Variants in FEM1A observed in about 807,000 individuals in gnomAD.
FEM1A encodes the protein fem-1 homolog A, also known as protein fem-1 homolog A.
FEM1A carries 1 observed loss-of-function variant against 0.7 expected under a neutral mutation model. That is an observed-to-expected ratio of 1.35 (90% CI 0.48 to 6.40). The LOEUF (loss-of-function observed/expected upper bound fraction) is 6.40. FEM1A is among the 30% of genes most tolerant of loss of function. The probability of loss-of-function intolerance (pLI) is 0.14; values close to 1 mark genes in which losing one functional copy is unlikely to be tolerated. For missense variants in FEM1A, 721 were observed against 918.7 expected (o/e 0.78, Z 2.78); for synonymous variants, 391 against 420.6 (o/e 0.93, Z 0.86).
rs2093560701 is a variant in FEM1A, at chr19:4,796,036, A to G, written c.*2172A>G. The G allele has an allele frequency of 6.6e-6, 1 of 152,088 alleles. No individual in the cohort carries two copies. The highest frequency in any genetic ancestry group is 1.5e-5 in the Non-Finnish European group (1 of 68,022). 9.4% of individuals were successfully genotyped at this position (152,088 alleles called of 1,614,324 possible). A position where few individuals can be genotyped will look rare whatever the true frequency, so the allele number is the denominator to read the frequency against. On this transcript the variant is annotated 3_prime_UTR_variant, in exon 1 of 1. Coordinates refer to ENST00000269856, the MANE Select transcript of FEM1A (RefSeq NM_018708.3). The stretch of plus-strand genomic sequence containing the variant: ...GGGGCTTTGTGTAAAATTTCATTTG[A>G]AAAACAGTATGTTGCTCTTTGAAAA...
chr19:4,792,031 C>G lies in FEM1A; in HGVS notation c.177C>G (p.Tyr59Ter). ...ACGGCCACCTGGACGTGGTGGAGTACCTGGTGGACCGGTGCGGCGCGAGCG... is the reference window on the plus strand; with the variant it reads ...ACGGCCACCTGGACGTGGTGGAGTAGCTGGTGGACCGGTGCGGCGCGAGCG... Reference protein sequence around the residue: ...ARYGHLDVVEYLVDRCGASVE... With the variant: ...ARYGHLDVVE The change falls in exon 1 of 1, where the codon TAC becomes TAG. Residue 59 changes from tyrosine to a stop codon, truncating the protein, a stop_gained. Transcript: ENST00000269856. LOFTEE classifies it low-confidence loss of function (END_TRUNC). The surrounding 1 kb of genome is among the most constrained non-coding windows in gnomAD (Gnocchi z 6.7). 1 of 1,539,570 alleles carries G rather than the reference C, an allele frequency of 6.5e-7. No homozygotes were observed. Among genetic ancestry groups the G allele is most frequent in the Non-Finnish European group, 8.7e-7 (1 of 1,151,292 alleles).
Position 4,793,643 on chromosome 19 carries a change from A to G in FEM1A, c.1789A>G (p.Met597Val). ...IAAQNNCPAI[M>V]NALIEAGAHM... ...AGCCCAGAACAACTGCCCGGCCATC[A>G]TGAATGCCCTGATCGAAGCAGGGGC... The change falls in exon 1 of 1, where the codon ATG (methionine) becomes GTG (valine). Residue 597 changes from methionine (M) to valine (V), a missense_variant. By Grantham distance (21) the Met-to-Val change is conservative. Coordinates refer to ENST00000269856, the MANE Select transcript of FEM1A (RefSeq NM_018708.3). The surrounding 1 kb of genome is among the most constrained non-coding windows in gnomAD (Gnocchi z 5.1). The G allele has an allele frequency of 6.2e-7, 1 of 1,612,978 alleles. No homozygotes were observed. Among genetic ancestry groups the G allele is most frequent in the South Asian group, 1.1e-5 (1 of 91,030 alleles).
In FEM1A at chr19:4,797,158, C is replaced by CTTTTT. The variant is rs3034413; in HGVS notation, c.*3315_*3319dup. The CTTTTT allele has an allele frequency of 1.5e-4, 11 of 73,354 alleles. No homozygotes were observed. Among genetic ancestry groups the CTTTTT allele is most frequent in the African/African-American group, 1.7e-4 (3 of 17,760 alleles). 4.5% of individuals were successfully genotyped at this position (73,354 alleles called of 1,614,324 possible). A position where few individuals can be genotyped will look rare whatever the true frequency, so the allele number is the denominator to read the frequency against. On this transcript the variant is annotated 3_prime_UTR_variant, in exon 1 of 1. Coordinates refer to ENST00000269856, the MANE Select transcript of FEM1A (RefSeq NM_018708.3). ...ACGGCCCTCTTAAGATGAAGGTCAT[C>CTTTTT]TTTTTTTTTTTTTTTTTTTTTTTTT... is the stretch of plus-strand genomic sequence containing the variant.
At position 4,799,919 on chromosome 19, in the gene FEM1A, A is replaced by AT. The variant is rs2093566445; in HGVS notation, c.*6055_*6056insT. 2 of 144,794 alleles carry AT rather than the reference A, an allele frequency of 1.4e-5. No individual in the cohort carries two copies. Among genetic ancestry groups the AT allele is most frequent in the African/African-American group, 5.1e-5 (2 of 38,840 alleles). 9.0% of individuals were successfully genotyped at this position (144,794 alleles called of 1,614,324 possible). ...GACTCTGTCTCAAAAAAAAAAAAAAAAAAAAAAAAAAAAATGGGGCCATCA... is the reference window on the plus strand; with the variant it reads ...GACTCTGTCTCAAAAAAAAAAAAAAATAAAAAAAAAAAAAATGGGGCCATCA... On this transcript the variant is annotated 3_prime_UTR_variant, in exon 1 of 1. Transcript: ENST00000269856.
rs749358709 is a variant in FEM1A at position 4,792,531 on chromosome 19, G to T, written c.677G>T (p.Gly226Val). The T allele has an allele frequency of 6.2e-7, 1 of 1,601,000 alleles. No individual in the cohort carries two copies. Among genetic ancestry groups the T allele is most frequent in the East Asian group, 2.2e-5 (1 of 44,860 alleles). ...MTPLLAASVT[G>V]HTNIVEYLIQ... is the part of the protein sequence containing the mutation. Reference sequence around the variant, plus strand: ...CCGCTGCTCGCGGCCAGCGTGACGGGCCACACCAACATCGTGGAGTACCTC... The same window carrying T: ...CCGCTGCTCGCGGCCAGCGTGACGGTCCACACCAACATCGTGGAGTACCTC... The change falls in exon 1 of 1, where the codon GGC becomes GTC. Residue 226 changes from glycine to valine, a missense_variant. Physicochemically the swap from Gly to Val is moderately radical, Grantham distance 109. Coordinates refer to ENST00000269856, the MANE Select transcript of FEM1A (RefSeq NM_018708.3). This position sits in a 1 kb window ranked among gnomAD's most constrained non-coding sequence, Gnocchi z 6.7.
Position 4,793,447 on chromosome 19 carries a change from G to C in FEM1A, c.1593G>C (p.Arg531Ser). 6.2e-7 allele frequency: 1 copy of C among 1,612,310 alleles called. No individual in the cohort carries two copies. Among genetic ancestry groups the C allele is most frequent in the Non-Finnish European group, 8.5e-7 (1 of 1,179,856 alleles). ...TVYRLLKCAP[R>S]GKNGFTPLHM... is the part of the protein sequence containing the mutation. The stretch of plus-strand genomic sequence containing the variant: ...ACCGCCTGCTCAAGTGCGCGCCCAG[G>C]GGCAAGAACGGCTTCACCCCTCTGC... Residue 531 changes from arginine (R) to serine (S), a missense_variant, in exon 1 of 1, where the codon AGG becomes AGC. By Grantham distance (110) the Arg-to-Ser change is moderately radical. Coordinates refer to ENST00000269856, the MANE Select transcript of FEM1A (RefSeq NM_018708.3). The surrounding 1 kb of genome is among the most constrained non-coding windows in gnomAD (Gnocchi z 5.1).
In FEM1A at chr19:4,793,172, G is replaced by A; in HGVS notation, c.1318G>A (p.Glu440Lys). ...CGCCAGCAGCTTCCTCTCCTTCGCG[G>A]AACTCTTCTCCTACGTGCTTCAGGA... The part of the protein sequence containing the change: ...MTASSFLSFA[E>K]LFSYVLQDRA... The change falls in exon 1 of 1, where the codon GAA becomes AAA. Residue 440 changes from glutamate (E) to lysine (K), a missense_variant. Physicochemically the swap from Glu to Lys is moderately conservative, Grantham distance 56. Around this residue, in one of 4 missense-constraint regions of FEM1A, gnomAD observed 379 missense variants for 454.8 expected, o/e 0.83. Coordinates refer to ENST00000269856, the MANE Select transcript of FEM1A (RefSeq NM_018708.3). This position sits in a 1 kb window ranked among gnomAD's most constrained non-coding sequence, Gnocchi z 5.1. 2 of 1,613,538 alleles carry A rather than the reference G, an allele frequency of 1.2e-6. No individual in the cohort carries two copies.
chr19:4,794,855 C>G lies in FEM1A; in HGVS notation c.*991C>G, dbSNP rs2093559315. ...CACAAAGCCTGAAAACACTTTGCCA[C>G]CCAGCAAAGAACTGGCACAATTGGT... On this transcript the variant is annotated 3_prime_UTR_variant, in exon 1 of 1. Transcript: ENST00000269856. 1 of 166,922 alleles carries G rather than the reference C, an allele frequency of 6.0e-6. No homozygotes were observed. The highest frequency in any genetic ancestry group is 1.5e-5 in the Non-Finnish European group (1 of 68,116). The allele number at this position is 166,922 out of a possible 1,614,324, so 10.3% of individuals were successfully genotyped here. A position where few individuals can be genotyped will look rare whatever the true frequency, so the allele number is the denominator to read the frequency against.
Position 4,796,497 on chromosome 19 carries a change from T to C in FEM1A, c.*2633T>C, listed in dbSNP as rs2093561300. ...AGCCACCACGCCTGGCCCTTTTTTG[T>C]TTTCCTTTATCTGCCATCTCATCTC... On this transcript the variant is annotated 3_prime_UTR_variant, in exon 1 of 1. Coordinates refer to ENST00000269856, the MANE Select transcript of FEM1A (RefSeq NM_018708.3). 6.6e-6 allele frequency: 1 copy of C among 152,206 alleles called. No individual in the cohort carries two copies. The highest frequency in any genetic ancestry group is 1.5e-5 in the Non-Finnish European group (1 of 68,106). The allele number at this position is 152,206 out of a possible 1,614,324, so 9.4% of individuals were successfully genotyped here.
In FEM1A at chr19:4,796,295, G is replaced by C. The variant is rs2093561046; in HGVS notation, c.*2431G>C. The C allele has an allele frequency of 6.6e-6, 1 of 150,952 alleles. No individual in the cohort carries two copies. Among genetic ancestry groups the C allele is most frequent in the Non-Finnish European group, 1.5e-5 (1 of 67,930 alleles). 9.4% of individuals were successfully genotyped at this position (150,952 alleles called of 1,614,324 possible). ...CAACCGCTGCCTCCCGGGTTCAAGT[G>C]ATTCTCCTGCCTCAGCCTCCTGAGC... On this transcript the variant is annotated 3_prime_UTR_variant, in exon 1 of 1. Transcript: ENST00000269856.
Position 4,794,341 on chromosome 19 carries a change from A to G in FEM1A, c.*477A>G. The G allele has an allele frequency of 5.6e-6, 1 of 178,470 alleles. No homozygotes were observed. The highest frequency in any genetic ancestry group is 1.5e-4 in the South Asian group (1 of 6,496). The allele number at this position is 178,470 out of a possible 1,614,324, so 11.1% of individuals were successfully genotyped here. Reference sequence around the variant, plus strand: ...CTCCTGAGATGAGAGTTTGAGATTCAGGGAATGAGACCACCTCTCATTTCT... The same window carrying G: ...CTCCTGAGATGAGAGTTTGAGATTCGGGGAATGAGACCACCTCTCATTTCT... On this transcript the variant is annotated 3_prime_UTR_variant, in exon 1 of 1. Transcript: ENST00000269856.
Position 4,792,066 on chromosome 19 carries a change from G to A in FEM1A, c.212G>A (p.Gly71Asp). 2.6e-6 allele frequency: 4 copies of A among 1,535,262 alleles called. No individual in the cohort carries two copies. The highest frequency in any genetic ancestry group is 3.5e-6 in the Non-Finnish European group (4 of 1,148,756). ...VDRCGASVEA[G>D]GSVHFDGETI... is the part of the protein sequence containing the mutation. ...CGGTGCGGCGCGAGCGTGGAGGCCG[G>A]TGGCTCGGTGCACTTCGATGGCGAG... The change falls in exon 1 of 1, where the codon GGT (glycine) becomes GAT (aspartate). Residue 71 changes from glycine to aspartate, a missense_variant. Gly to Asp is a moderately conservative substitution (Grantham distance 94). Transcript: ENST00000269856. This position sits in a 1 kb window ranked among gnomAD's most constrained non-coding sequence, Gnocchi z 6.7.
chr19:4,794,417 G>A lies in FEM1A; in HGVS notation c.*553G>A, dbSNP rs2093558751. 5.9e-6 allele frequency: 1 copy of A among 169,786 alleles called. No homozygotes were observed. Among genetic ancestry groups the A allele is most frequent in the African/African-American group, 2.4e-5 (1 of 41,466 alleles). 10.5% of individuals were successfully genotyped at this position (169,786 alleles called of 1,614,324 possible). A position where few individuals can be genotyped will look rare whatever the true frequency, so the allele number is the denominator to read the frequency against. On this transcript the variant is annotated 3_prime_UTR_variant, in exon 1 of 1. Transcript: ENST00000269856. ...GTGCCACCGTAGTCCCTGGCAGACA[G>A]GCAGGGCTCTGCCCAGGGCAGCCTG... is the stretch of plus-strand genomic sequence containing the variant.
At position 4,794,045 on chromosome 19, in the gene FEM1A, G is replaced by A; in HGVS notation, c.*181G>A. 1 of 646,230 alleles carries A rather than the reference G, an allele frequency of 1.5e-6. No individual in the cohort carries two copies. The highest frequency in any genetic ancestry group is 2.7e-6 in the Non-Finnish European group (1 of 368,322). The allele number at this position is 646,230 out of a possible 1,614,324, so 40.0% of individuals were successfully genotyped here. A position where few individuals can be genotyped will look rare whatever the true frequency, so the allele number is the denominator to read the frequency against. On this transcript the variant is annotated 3_prime_UTR_variant, in exon 1 of 1. Coordinates refer to ENST00000269856, the MANE Select transcript of FEM1A (RefSeq NM_018708.3). The stretch of plus-strand genomic sequence containing the variant: ...AGGTGTTAGCGAGCCTTTGGTGCTA[G>A]AAGCCTGCGGGGTCATGTGCTAAGA...
Position 4,793,829 on chromosome 19 carries a change from C to T in FEM1A, c.1975C>T (p.Pro659Ser), listed in dbSNP as rs751790582. Residue 659 changes from proline (P) to serine (S), a missense_variant, in exon 1 of 1, where the codon CCG becomes TCG. Pro to Ser is a moderately conservative substitution (Grantham distance 74). Coordinates refer to ENST00000269856, the MANE Select transcript of FEM1A (RefSeq NM_018708.3). This position sits in a 1 kb window ranked among gnomAD's most constrained non-coding sequence, Gnocchi z 5.1. ...CAAGATCCCTTACAAGGGCTTCATC[C>T]CGGAAGATCTGGAGGCGTTCATCGA... ...KNKIPYKGFI[P>S]EDLEAFIELH The T allele has an allele frequency of 6.2e-7, 1 of 1,608,738 alleles. No individual in the cohort carries two copies. Among genetic ancestry groups the T allele is most frequent in the Non-Finnish European group, 8.5e-7 (1 of 1,178,548 alleles).
In FEM1A at chr19:4,791,794, T is replaced by A; in HGVS notation, c.-61T>A. 1 of 1,416,456 alleles carries A rather than the reference T, an allele frequency of 7.1e-7. No individual in the cohort carries two copies. Among genetic ancestry groups the A allele is most frequent in the African/African-American group, 1.5e-5 (1 of 66,748 alleles). 87.7% of individuals were successfully genotyped at this position (1,416,456 alleles called of 1,614,324 possible). A position where few individuals can be genotyped will look rare whatever the true frequency, so the allele number is the denominator to read the frequency against. On this transcript the variant is annotated 5_prime_UTR_variant, in exon 1 of 1. Transcript: ENST00000269856. Reference sequence around the variant, plus strand: ...AAGGTTGCCTCCCGCCCGTCCGGGCTCTGATCCTCCGTCTCCCCGTCCCCC... The same window carrying A: ...AAGGTTGCCTCCCGCCCGTCCGGGCACTGATCCTCCGTCTCCCCGTCCCCC...
At position 4,800,904 on chromosome 19, in the gene FEM1A, C is replaced by A. The variant is rs566645457; in HGVS notation, c.*7040C>A. On this transcript the variant is annotated 3_prime_UTR_variant, in exon 1 of 1. Coordinates refer to ENST00000269856, the MANE Select transcript of FEM1A (RefSeq NM_018708.3). ...GGGTGTGGATTCCTGCGGGGAGCTT[C>A]GGGACTGGAAAAAACAGAGGGTGCT... 1 of 152,112 alleles carries A rather than the reference C, an allele frequency of 6.6e-6. No homozygotes were observed. The highest frequency in any genetic ancestry group is 2.4e-5 in the African/African-American group (1 of 41,414). The allele number at this position is 152,112 out of a possible 1,614,324, so 9.4% of individuals were successfully genotyped here.
At position 4,798,714 on chromosome 19, in the gene FEM1A, T is replaced by G. The variant is rs997022311; in HGVS notation, c.*4850T>G. On this transcript the variant is annotated 3_prime_UTR_variant, in exon 1 of 1. Transcript: ENST00000269856. ...CAGAGTTCATACCTTGTGCTGATTC[T>G]CCATCCGGGACGCCAGACACATGGA... The G allele has an allele frequency of 1.3e-5, 2 of 152,066 alleles. No homozygotes were observed. Among genetic ancestry groups the G allele is most frequent in the Non-Finnish European group, 2.9e-5 (2 of 68,038 alleles). The allele number at this position is 152,066 out of a possible 1,614,324, so 9.4% of individuals were successfully genotyped here.
rs2093556060 is a variant in FEM1A at position 4,792,740 on chromosome 19, G to A, written c.886G>A (p.Ala296Thr). The A allele has an allele frequency of 6.2e-7, 1 of 1,611,972 alleles. No homozygotes were observed. Among genetic ancestry groups the A allele is most frequent in the Non-Finnish European group, 8.5e-7 (1 of 1,179,904 alleles). ...YESCCPTSREAAVEALELLGA... is the reference protein window; with the variant it reads ...YESCCPTSRETAVEALELLGA... The stretch of plus-strand genomic sequence containing the variant: ...AAGCTGCTGTCCCACCAGCCGGGAA[G>A]CTGCCGTGGAAGCCTTGGAATTGCT... Residue 296 changes from alanine to threonine, a missense_variant, in exon 1 of 1, where the codon GCT becomes ACT. Around this residue, in one of 4 missense-constraint regions of FEM1A, gnomAD observed 137 missense variants for 121.7 expected, o/e 1.13. Transcript: ENST00000269856. This position sits in a 1 kb window ranked among gnomAD's most constrained non-coding sequence, Gnocchi z 6.7.
Sources: allele counts gnomAD v4.1 joint callset, GRCh38; gene constraint gnomAD v4.1.1; regional missense constraint gnomAD v4.1.1; non-coding constraint Gnocchi (gnomAD v3.1); transcripts MANE v1.5; gene names NCBI Gene and HGNC (gene_info 2026-07-23, HGNC 2026-07-21).